The following ABCA9 variants were observed in gnomAD, a reference collection of about 807,000 sequenced individuals.
ABCA9 encodes the protein ATP binding cassette subfamily A member 9.
In ABCA9, 183 loss-of-function variants were observed where a neutral mutation model predicts 205.3. The observed-to-expected ratio is 0.89, with a 90% CI of 0.79 to 1.01. ABCA9 has a LOEUF of 1.01. Among genes scored for constraint, ABCA9 ranks in the 50% least tolerant of loss-of-function variants. The pLI, the probability that ABCA9 is intolerant of heterozygous loss-of-function variation, is 0.00. For missense variants in ABCA9, 1,805 were observed against 1,912.4 expected (o/e 0.94, Z 1.05); for synonymous variants, 651 against 683.3 (o/e 0.95, Z 0.74).
At chr17:69,075,081 T>C in the ABCA9 span, among the ~76,000 whole-genome samples, 1 of 152,186 alleles carries the variant, frequency 6.6e-6, no homozygotes, top group Admixed American at 6.6e-5. Context: ...TTTGACCACT[T>C]TTTAATGGGA....
At chr17:69,024,895 A>G (rs1474907224) in intron 16 of ABCA9, among the ~76,000 whole-genome samples, 1 of 152,152 alleles carries the variant, frequency 6.6e-6, no homozygotes, top group Non-Finnish European at 1.5e-5. Flanking sequence ...TATTAAGAAT[A>G]TATAAAATTA....
Position 68,983,703 on chromosome 17 carries a change from G to A in ABCA9, c.4640+6C>T. The A allele has an allele frequency of 6.2e-7, 1 of 1,613,942 alleles. No individual in the cohort carries two copies. The highest frequency in any genetic ancestry group is 1.1e-5 in the South Asian group (1 of 91,038). On this transcript the variant is annotated splice_donor_region_variant and intron_variant, in intron 36 of 38. Coordinates refer to ENST00000340001, the MANE Select transcript of ABCA9 (RefSeq NM_080283.4). ...GACTGTGATAAAACAAAACACCTGT[G>A]TCTACCTTTCCTGCTGAGCAGCCTG...
At chr17:69,002,676 G>A (rs1352686116) in intron 25 of ABCA9, among the ~76,000 whole-genome samples, 6 of 149,218 alleles carry the variant, frequency 4.0e-5, no homozygotes, top group Admixed American at 4.0e-4. Flanking sequence ...TATCCTTGTT[G>A]ACTTTCTGTC....
At chr17:69,008,654 T>C (rs1316184552) in intron 23 of ABCA9, among the ~76,000 whole-genome samples, 1 of 152,268 alleles carries the variant, frequency 6.6e-6, no homozygotes, top group Non-Finnish European at 1.5e-5. Context: ...ATTGGCATTT[T>C]ATTTTGGGTC....
At chr17:68,980,398 G>A (rs938285474) in intron 37 of ABCA9, among the ~76,000 whole-genome samples, 3 of 152,038 alleles carry the variant, frequency 2.0e-5, no homozygotes, top group East Asian at 1.9e-4. Context: ...TGATCTTGAC[G>A]TAGAAATACC....
At chr17:69,013,047 T>C (rs1406281891) in intron 22 of ABCA9, among the ~76,000 whole-genome samples, 1 of 152,134 alleles carries the variant, frequency 6.6e-6, no homozygotes, top group Non-Finnish European at 1.5e-5. Context: ...AAATGACAGG[T>C]TTTCATTCCT....
In ABCA9 at chr17:69,032,259, A is replaced by G. The variant is rs747342885; in HGVS notation, c.1294T>C (p.Cys432Arg). 2 of 1,613,586 alleles carry G rather than the reference A, an allele frequency of 1.2e-6. No individual in the cohort carries two copies. Among genetic ancestry groups the G allele is most frequent in the African/African-American group, 1.3e-5 (1 of 74,936 alleles). ...GATTTCAGGAAAAACAAGGGAGAAC[A>G]TCGATGTCCATATTCAGCTATGTGA... Reference protein sequence around the residue: ...KILPAEYGHRCSPLFFLKSCF... With the variant: ...KILPAEYGHRRSPLFFLKSCF... Residue 432 changes from cysteine to arginine, a missense_variant, in exon 10 of 39, where the codon TGT becomes CGT. Physicochemically the swap from Cys to Arg is radical, Grantham distance 180. Coordinates refer to ENST00000340001, the MANE Select transcript of ABCA9 (RefSeq NM_080283.4).
chr17:69,018,233 T>C, intron 20 of ABCA9, 180 bp downstream of exon 20: 1 of 536,396 alleles, frequency 1.9e-6, no homozygotes. Context: ...TTGCAGAATC[T>C]ATTTCTAAAA....
In ABCA9 at chr17:68,989,075, A is replaced by G; in HGVS notation, c.3999T>C (p.Ser1333=). The change falls in exon 31 of 39, where the codon AGT becomes AGC. Residue 1333 remains serine, a synonymous_variant. Transcript: ENST00000340001. The part of the protein sequence containing the change: ...GLLGHNGAGK[S]TTIKMITGDT... ...CTCCAGTTATCATCTTAATAGTTGT[A>G]CTTTTACCAGCTCCATTGTGTCCTA... is the stretch of plus-strand genomic sequence containing the variant. The G allele has an allele frequency of 6.2e-7, 1 of 1,613,510 alleles. No individual in the cohort carries two copies. Among genetic ancestry groups the G allele is most frequent in the Non-Finnish European group, 8.5e-7 (1 of 1,179,570 alleles).
intron 5 of ABCA9, 38 bp downstream of exon 5, chr17:69,044,459 A>C (rs772686897): frequency 6.4e-7 from 1 of 1,566,198 alleles, no homozygotes; most frequent in Admixed American, 1.7e-5. Flanking sequence ...GCAAAATTCA[A>C]ATGCAATGTG....
chr17:68,985,214 G>A, intron 32 of ABCA9, 86 bp from the exon 33 acceptor site: 1 of 1,568,632 alleles, frequency 6.4e-7, no homozygotes, highest in South Asian at 1.1e-5. Context: ...ACACGACGGT[G>A]GGGGAGGTGT....
At chr17:69,039,855 A>G (rs545635188) in intron 6 of ABCA9, among the ~76,000 whole-genome samples, 1 of 152,226 alleles carries the variant, frequency 6.6e-6, no homozygotes, top group Non-Finnish European at 1.5e-5. Flanking sequence ...AAACAAATTT[A>G]CAATAAAAAA....
chr17:68,996,976 G>A (rs559216892), intron 25 of ABCA9, among the ~76,000 whole-genome samples: 4 of 152,110 alleles, frequency 2.6e-5, no homozygotes, highest in Non-Finnish European at 5.9e-5. Flanking sequence ...TCACCCAAGT[G>A]CTGGAGTGCA....
At position 69,035,344 on chromosome 17, in the gene ABCA9, TC is replaced by T; in HGVS notation, c.1029del (p.Ile344SerfsTer41). On this transcript the variant is annotated frameshift_variant, in exon 8 of 39. Coordinates refer to ENST00000340001, the MANE Select transcript of ABCA9 (RefSeq NM_080283.4). LOFTEE classifies it high-confidence loss of function. The part of the protein sequence containing the change: ...LVVFLLIVFW[G>X]ILGFPALYTR... ...GTATACAATGCTGGGAATCCCAGGA[TC>T]CCCCAAAAGACAATAAGGAGAAACA... The T allele has an allele frequency of 6.2e-7, 1 of 1,609,984 alleles. No individual in the cohort carries two copies. The highest frequency in any genetic ancestry group is 8.5e-7 in the Non-Finnish European group (1 of 1,177,868).
chr17:69,068,720 G>C, the ABCA9 span, among the ~76,000 whole-genome samples: 1 of 152,206 alleles, frequency 6.6e-6, no homozygotes, highest in Admixed American at 6.5e-5. Flanking sequence ...TATCCTCCAA[G>C]AAGAAGAAAA....
intron 21 of ABCA9, 32 bp downstream of exon 21, chr17:69,017,624 T>A (rs746495675): frequency 6.2e-7 from 1 of 1,611,002 alleles, no homozygotes; most frequent in Non-Finnish European, 8.5e-7. Flanking sequence ...AGTCCACCTT[T>A]GGTGAAATGC....
chr17:69,048,329 T>G (rs961165131), intron 3 of ABCA9, among the ~76,000 whole-genome samples: 1 of 152,230 alleles, frequency 6.6e-6, no homozygotes, highest in Admixed American at 6.5e-5. Flanking sequence ...TTTCTGATTT[T>G]GGGTTTTAGA....
intron 8 of ABCA9, among the ~76,000 whole-genome samples, chr17:69,034,318 C>T (rs1307149098): frequency 6.6e-6 from 1 of 152,118 alleles, no homozygotes; most frequent in Non-Finnish European, 1.5e-5. Context: ...GCCTCCTGGA[C>T]CTAGGTGATT....
At position 68,989,851 on chromosome 17, in the gene ABCA9, T is replaced by G. The variant is rs2302294; in HGVS notation, c.3917A>C (p.Lys1306Thr). ...AAAAGAGACATTTCTTGTGGCAATTTTTTTCTTCCTTTTAGAAAAGCAATT... is the reference window on the plus strand; with the variant it reads ...AAAAGAGACATTTCTTGTGGCAATTGTTTTCTTCCTTTTAGAAAAGCAATT... The part of the protein sequence containing the change: ...KKNCFSKRKK[K>T]IATRNVSFCV... Residue 1306 changes from lysine to threonine, a missense_variant, in exon 30 of 39, where the codon AAA becomes ACA. Physicochemically the swap from Lys to Thr is moderately conservative, Grantham distance 78. Transcript: ENST00000340001. 984,998 of 1,608,134 alleles carry G rather than the reference T, an allele frequency of 0.61. 313,256 individuals are homozygous for G. Among genetic ancestry groups the G allele is most frequent in the Non-Finnish European group, 0.66 (769,931 of 1,175,378 alleles).
Sources: gnomAD v4.1 joint callset for allele counts (sites outside exome capture counted in the v4.1 genomes callset) on GRCh38, gnomAD v4.1.1 for gene constraint, MANE v1.5 for transcripts, NCBI Gene and HGNC (gene_info 2026-07-23, HGNC 2026-07-21) for gene names.